Variants in FARS2 observed in about 807,000 individuals in gnomAD.
The protein encoded by FARS2 is phenylalanyl-tRNA synthetase 2, mitochondrial.
Under a neutral mutation model 46.4 loss-of-function variants are expected in FARS2, and 40 were observed. The ratio of observed to expected loss-of-function variants is 0.86; its 90% CI spans 0.67 to 1.12. The LOEUF is 1.12. Among genes scored for constraint, FARS2 ranks in the 50% most tolerant of loss-of-function variants. The pLI is 0.00. For missense variants in FARS2, 513 were observed against 567.9 expected (o/e 0.90, Z 0.98); for synonymous variants, 234 against 214.9 (o/e 1.09, Z -0.78).
At chr6:5,596,996 G>A (rs567954900) in intron 5 of FARS2, among the ~76,000 whole-genome samples, 7 of 152,346 alleles carry the variant, frequency 4.6e-5, no homozygotes, top group Non-Finnish European at 8.8e-5. Flanking sequence ...AGGTGACAAT[G>A]TGTGAGGTGC....
intron 4 of FARS2, among the ~76,000 whole-genome samples, chr6:5,447,628 T>C (rs1418448668): frequency 1.3e-5 from 2 of 152,206 alleles, no homozygotes; most frequent in Non-Finnish European, 2.9e-5. Flanking sequence ...CATCCCTACC[T>C]TATCCTCAAT....
intron 4 of FARS2, among the ~76,000 whole-genome samples, chr6:5,501,601 C>A (rs532535028): frequency 6.6e-6 from 1 of 152,090 alleles, no homozygotes; most frequent in Non-Finnish European, 1.5e-5. Context: ...GTCTAGCAAT[C>A]CTCATGGCTC....
At chr6:5,622,102 T>TG (rs1395988002) in intron 6 of FARS2, among the ~76,000 whole-genome samples, 4 of 152,240 alleles carry the variant, frequency 2.6e-5, no homozygotes, top group Non-Finnish European at 5.9e-5. Context: ...CCTGGGGTGC[T>TG]GGGCCACCTG....
At chr6:5,566,585 A>G (rs1772335138) in intron 5 of FARS2, among the ~76,000 whole-genome samples, 3 of 152,206 alleles carry the variant, frequency 2.0e-5, no homozygotes, top group African/African-American at 7.2e-5. Context: ...ATGCATTAAG[A>G]GTGGTAAGAC....
chr6:5,562,265 C>T (rs1032214731), intron 5 of FARS2, among the ~76,000 whole-genome samples: 3 of 151,512 alleles, frequency 2.0e-5, no homozygotes, highest in African/African-American at 4.9e-5. Flanking sequence ...CAACTTTTTA[C>T]GGCATCCTCT....
chr6:5,299,546 C>G (rs1392792021), intron 1 of FARS2, among the ~76,000 whole-genome samples: 1 of 152,200 alleles, frequency 6.6e-6, no homozygotes, highest in African/African-American at 2.4e-5. Flanking sequence ...GGAGATGACA[C>G]TTGGGGTTCA....
chr6:5,500,241 T>G (rs899474616), intron 4 of FARS2, among the ~76,000 whole-genome samples: 2 of 152,212 alleles, frequency 1.3e-5, no homozygotes, highest in African/African-American at 4.8e-5. Flanking sequence ...TGGGAAAATG[T>G]GTGTGGTACA....
intron 5 of FARS2, among the ~76,000 whole-genome samples, chr6:5,558,786 C>T (rs981692942): frequency 2.6e-5 from 4 of 151,976 alleles, no homozygotes; most frequent in South Asian, 2.1e-4. Flanking sequence ...CTCCTGACCT[C>T]GTGATCCACC....
chr6:5,649,819 C>G (rs1000598482), intron 6 of FARS2, among the ~76,000 whole-genome samples: 23 of 152,174 alleles, frequency 1.5e-4, no homozygotes, highest in Admixed American at 6.5e-5. Context: ...TGGGGACCCA[C>G]AGGCCAAGTT....
At position 5,578,822 on chromosome 6, in the gene FARS2, A is replaced by C. The variant is rs369816690; in HGVS notation, c.1065+33482A>C. On this transcript the variant is annotated intron_variant, in intron 5 of 6. Coordinates refer to ENST00000274680, the MANE Select transcript of FARS2 (RefSeq NM_006567.5). ...GCACTCCGTCTCAAAAAAAAAAAAA[A>C]AAAAAAAAAAACAAAAAAAAAAGAA... 1.9e-3 allele frequency among the ~76,000 whole-genome samples: 42 copies of C among 22,040 alleles called. 1 individual carries two copies. The highest frequency in any genetic ancestry group is 0.017 in the South Asian group (8 of 472). 14.5% of individuals were successfully genotyped at this position (22,040 alleles called of 152,430 possible).
chr6:5,486,376 G>A (rs1485566457), intron 4 of FARS2, among the ~76,000 whole-genome samples: 2 of 152,120 alleles, frequency 1.3e-5, no homozygotes, highest in African/African-American at 4.8e-5. Context: ...ACGCAGAACA[G>A]GTCTGTTCTT....
chr6:5,665,522 G>C (rs1419016610), intron 6 of FARS2: 1 of 152,100 alleles, frequency 6.6e-6, no homozygotes, highest in Non-Finnish European at 1.5e-5. Context: ...TGGATGAGGT[G>C]ATTTCTAACC....
intron 6 of FARS2, among the ~76,000 whole-genome samples, chr6:5,697,580 A>G (rs770458893): frequency 3.9e-5 from 6 of 152,256 alleles, no homozygotes; most frequent in Non-Finnish European, 5.9e-5. Flanking sequence ...TGCAAGAAGA[A>G]TATTTTTCTA....
chr6:5,409,871 C>T (rs1308908243), intron 3 of FARS2, among the ~76,000 whole-genome samples: 1 of 152,168 alleles, frequency 6.6e-6, no homozygotes, highest in Non-Finnish European at 1.5e-5. Context: ...TGTGTTGCCA[C>T]GAGCTGTTGT....
At chr6:5,760,068 C>T (rs1762404246) in intron 6 of FARS2, among the ~76,000 whole-genome samples, 1 of 152,154 alleles carries the variant, frequency 6.6e-6, no homozygotes, top group Non-Finnish European at 1.5e-5. Flanking sequence ...ATTAATTAGA[C>T]CCAGAGTTCC....
chr6:5,275,772 A>G (rs1766290381), intron 1 of FARS2, among the ~76,000 whole-genome samples: 1 of 152,202 alleles, frequency 6.6e-6, no homozygotes, highest in Admixed American at 6.5e-5. Context: ...CCTCAATAGA[A>G]AATATAATGG....
chr6:5,591,995 G>T (rs1479845314), intron 5 of FARS2, among the ~76,000 whole-genome samples: 1 of 152,200 alleles, frequency 6.6e-6, no homozygotes, highest in Non-Finnish European at 1.5e-5. Flanking sequence ...AGAAAAGGAA[G>T]ACTGTCTAAG....
At chr6:5,577,547 C>G (rs940646549) in intron 5 of FARS2, among the ~76,000 whole-genome samples, 6 of 152,132 alleles carry the variant, frequency 3.9e-5, no homozygotes, top group African/African-American at 1.4e-4. Context: ...GAAGATTAGC[C>G]TGGAATATCT....
At chr6:5,401,222 A>C (rs553106839) in intron 2 of FARS2, among the ~76,000 whole-genome samples, 1 of 152,186 alleles carries the variant, frequency 6.6e-6, no homozygotes, top group East Asian at 1.9e-4. Context: ...ATATGTCATA[A>C]CATGTTACAT....
Sources: allele counts gnomAD v4.1 joint callset (sites outside exome capture counted in the v4.1 genomes callset), GRCh38; gene constraint gnomAD v4.1.1; transcripts MANE v1.5; gene names NCBI Gene and HGNC (gene_info 2026-07-23, HGNC 2026-07-21).